The following ATP9A variants were observed in gnomAD, a reference collection of about 807,000 sequenced individuals.
ATP9A encodes the protein probable phospholipid-transporting ATPase IIA.
In ATP9A, 52 loss-of-function variants were observed where a neutral mutation model predicts 144.1. The ratio of observed to expected loss-of-function variants is 0.36; its 90% confidence interval spans 0.29 to 0.45. The LOEUF is 0.45. Ranked by LOEUF, ATP9A falls within the 20% of genes least tolerant of loss-of-function variation. The pLI is 1.00. For missense variants in ATP9A, 947 were observed against 1,392.7 expected, an observed-to-expected ratio of 0.68 and a Z score of 5.09; for synonymous variants, 582 against 557.4, an observed-to-expected ratio of 1.04 and a Z score of -0.62.
intron 1 of ATP9A, among the ~76,000 whole-genome samples, chr20:51,746,707 G>C (rs2077809774): frequency 6.6e-6 from 1 of 152,156 alleles, no homozygotes; most frequent in African/African-American, 2.4e-5. Context: ...GACATGGTGG[G>C]GGACACCTGT....
chr20:51,621,533 G>A (rs2077226935), intron 19 of ATP9A, among the ~76,000 whole-genome samples: 1 of 152,142 alleles, frequency 6.6e-6, no homozygotes, highest in Non-Finnish European at 1.5e-5. Context: ...AGCAGTTCCT[G>A]ATGTGCACAT....
intron 3 of ATP9A, among the ~76,000 whole-genome samples, chr20:51,723,568 T>C (rs144104395): frequency 0.37 from 52,788 of 144,614 alleles, 9,421 homozygotes; most frequent in Non-Finnish European, 0.38. Context: ...AAATTCTTTT[T>C]TTTTTTTTTT....
intron 9 of ATP9A, among the ~76,000 whole-genome samples, chr20:51,680,959 C>A (rs375867885): frequency 6.6e-6 from 1 of 152,156 alleles, no homozygotes; most frequent in African/African-American, 2.4e-5. Flanking sequence ...ACCCCTCCCC[C>A]CAAAATAACC....
intron 4 of ATP9A, among the ~76,000 whole-genome samples, chr20:51,699,347 A>AG (rs1418336002): frequency 6.6e-6 from 1 of 151,808 alleles, no homozygotes; most frequent in East Asian, 1.9e-4. Context: ...AAAAAAAAAA[A>AG]AAAAAAAGAA....
At chr20:51,605,072 C>T (rs377151053) in intron 26 of ATP9A, 52 bp from the exon 27 acceptor site, 133 of 1,456,054 alleles carry the variant, frequency 9.1e-5, no homozygotes, top group South Asian at 1.9e-4. Context: ...GAAAGCCGTG[C>T]GCTGCTCGCC....
chr20:51,746,553 G>T (rs1411759894), intron 1 of ATP9A, among the ~76,000 whole-genome samples: 6 of 150,916 alleles, frequency 4.0e-5, no homozygotes, highest in Non-Finnish European at 8.9e-5. Flanking sequence ...ACAAAAATCA[G>T]TCAGGGCTGG....
At chr20:51,729,754 A>G in intron 2 of ATP9A, 80 bp downstream of exon 2, 1 of 1,403,968 alleles carries the variant, frequency 7.1e-7, no homozygotes, top group Non-Finnish European at 9.4e-7. Context: ...AAAAAATAAC[A>G]TGACATGACA....
intron 23 of ATP9A, among the ~76,000 whole-genome samples, chr20:51,612,269 T>C (rs2077187676): frequency 6.6e-6 from 1 of 152,204 alleles, no homozygotes; most frequent in African/African-American, 2.4e-5. Flanking sequence ...GGATCTACTG[T>C]ACCTACATTC....
In ATP9A at chr20:51,671,201, T is replaced by A; in HGVS notation, c.1094A>T (p.Asp365Val). 1 of 1,613,988 alleles carries A rather than the reference T, an allele frequency of 6.2e-7. No individual in the cohort carries two copies. The highest frequency in any genetic ancestry group is 8.5e-7 in the Non-Finnish European group (1 of 1,179,990). ...KIVYSWVIRR[D>V]SKIPGTVVRS... ...AACCACGGTCCCGGGGATTTTCGAGTCCCTTCGAATCACCCAGCTGTACAC... is the reference window on the plus strand; with the variant it reads ...AACCACGGTCCCGGGGATTTTCGAGACCCTTCGAATCACCCAGCTGTACAC... Residue 365 changes from aspartate (D) to valine (V), a missense_variant, in exon 12 of 28, where the codon GAC (aspartate) becomes GTC (valine). Transcript: ENST00000338821.
chr20:51,622,717 A>G (rs945433083), intron 18 of ATP9A, among the ~76,000 whole-genome samples: 3 of 152,198 alleles, frequency 2.0e-5, no homozygotes, highest in Non-Finnish European at 4.4e-5. Context: ...CAGAGAGGGT[A>G]GATGACTTGC....
At position 51,609,985 on chromosome 20, in the gene ATP9A, C is replaced by A. The variant is rs2077178821; in HGVS notation, c.2636+116G>T. 4.7e-6 allele frequency: 4 copies of A among 856,994 alleles called. No homozygotes were observed. In the African/African-American group the frequency reaches 6.7e-5, roughly 14 times the overall value. 53.1% of individuals were successfully genotyped at this position (856,994 alleles called of 1,614,324 possible). A position where few individuals can be genotyped will look rare whatever the true frequency, so the allele number is the denominator to read the frequency against. ...GGTGCTGGGCCTGCATTCGCTGGGG[C>A]TGGGAATCCAATGTGGCTTGGGAAC... On this transcript the variant is annotated intron_variant, in intron 24 of 27. Coordinates refer to ENST00000338821, the MANE Select transcript of ATP9A (RefSeq NM_006045.3).
At chr20:51,696,924 A>G (rs2077572917) in intron 5 of ATP9A, among the ~76,000 whole-genome samples, 1 of 152,224 alleles carries the variant, frequency 6.6e-6, no homozygotes. Flanking sequence ...AGTAGCAAAC[A>G]TACTGACACG....
At position 51,725,901 on chromosome 20, in the gene ATP9A, T is replaced by C. The variant is rs770347212; in HGVS notation, c.245A>G (p.Asn82Ser). ...VLFNQFKYFFNLYFLLLACSQ... is the reference protein window; with the variant it reads ...VLFNQFKYFFSLYFLLLACSQ... ...GCAGGCAAGAAGTAAGAAATAGAGG[T>C]TGAAAAAGTATTTGAACTGGTTGAA... The change falls in exon 3 of 28, where the codon AAC becomes AGC. Residue 82 changes from asparagine to serine, a missense_variant. Around this residue, in one of 2 missense-constraint regions of ATP9A, gnomAD observed 770 missense variants for 1,047.9 expected, o/e 0.73. Coordinates refer to ENST00000338821, the MANE Select transcript of ATP9A (RefSeq NM_006045.3). 4.3e-6 allele frequency: 7 copies of C among 1,613,496 alleles called. No homozygotes were observed. Among genetic ancestry groups the C allele is most frequent in the Non-Finnish European group, 5.9e-6 (7 of 1,179,468 alleles).
rs537214977 is a variant in ATP9A, at chr20:51,630,212, G to T, written c.1669-1140C>A. 7.2e-4 allele frequency among the ~76,000 whole-genome samples: 110 copies of T among 152,358 alleles called. 1 individual carries two copies. The highest frequency in any genetic ancestry group is 2.6e-3 in the African/African-American group (107 of 41,592). ...GAGACTGAGAAGTCCTAGCTCTGAG[G>T]AATGACGGCGCAGCCACAGATCCTT... On this transcript the variant is annotated intron_variant, in intron 15 of 27. Transcript: ENST00000338821.
intron 1 of ATP9A, among the ~76,000 whole-genome samples, chr20:51,733,742 C>T (rs1354080075): frequency 6.6e-6 from 1 of 151,470 alleles, no homozygotes; most frequent in Non-Finnish European, 1.5e-5. Flanking sequence ...GGTACAATCA[C>T]AGCTCACTGC....
intron 27 of ATP9A, among the ~76,000 whole-genome samples, chr20:51,602,235 G>A (rs1336361808): frequency 6.6e-6 from 1 of 152,286 alleles, no homozygotes; most frequent in East Asian, 1.9e-4. Flanking sequence ...TTTCTTAAGA[G>A]AGGAGTGACA....
intron 12 of ATP9A, 21 bp from the exon 13 acceptor site, chr20:51,670,130 G>C: frequency 6.4e-7 from 1 of 1,568,028 alleles, no homozygotes; most frequent in East Asian, 2.2e-5. Flanking sequence ...AGACAAATGA[G>C]TGGCCGGCCT....
chr20:51,730,593 A>G (rs922562442), intron 1 of ATP9A, among the ~76,000 whole-genome samples: 2 of 152,336 alleles, frequency 1.3e-5, no homozygotes, highest in South Asian at 4.1e-4. Context: ...GCACTGTGGG[A>G]ACATTCTAGA....
intron 1 of ATP9A, among the ~76,000 whole-genome samples, chr20:51,740,871 G>A (rs1208032788): frequency 6.6e-6 from 1 of 151,732 alleles, no homozygotes; most frequent in African/African-American, 2.4e-5. Flanking sequence ...CACAATACCC[G>A]GCCCCAATTC....
Sources: allele counts gnomAD v4.1 joint callset (sites outside exome capture counted in the v4.1 genomes callset), GRCh38; gene constraint gnomAD v4.1.1; regional missense constraint gnomAD v4.1.1; transcripts MANE v1.5; gene names NCBI Gene and HGNC (gene_info 2026-07-23, HGNC 2026-07-21).